Variants in RABGEF1 observed in about 807,000 individuals in gnomAD.
The protein encoded by RABGEF1 is rab5 GDP/GTP exchange factor.
Under a neutral mutation model 57.3 loss-of-function variants are expected in RABGEF1, and 26 were observed. The ratio of observed to expected loss-of-function variants is 0.45; its 90% CI spans 0.33 to 0.63. The LOEUF is 0.63. RABGEF1 is among the 20% of genes least tolerant of loss of function. The pLI is 0.02. For synonymous variants in RABGEF1, 185 were observed against 210.7 expected (o/e 0.88, Z 1.06); for missense variants, 464 against 607.6 (o/e 0.76, Z 2.48).
chr7:66,779,994 A>G (rs3800815), intron 3 of RABGEF1, among the ~76,000 whole-genome samples: 34,925 of 152,186 alleles, frequency 0.23, 4,699 homozygotes, highest in Middle Eastern at 0.31. Context: ...AGTAACTTGT[A>G]TGATCATAAC....
intron 1 of RABGEF1, among the ~76,000 whole-genome samples, chr7:66,752,392 G>A (rs1326423931): frequency 1.3e-5 from 2 of 152,026 alleles, no homozygotes; most frequent in Admixed American, 6.5e-5. Context: ...CTACTGGGAG[G>A]CTGAGGCAGG....
At chr7:66,799,583 C>T (rs546849695) in intron 7 of RABGEF1, among the ~76,000 whole-genome samples, 169 bp downstream of exon 7, 57 of 152,266 alleles carry the variant, frequency 3.7e-4, no homozygotes, top group African/African-American at 1.3e-3. Context: ...TTCAGAAGAG[C>T]AGGTTCTCTT....
intron 1 of RABGEF1, among the ~76,000 whole-genome samples, chr7:66,704,296 G>T (rs1793697654): frequency 6.6e-6 from 1 of 152,068 alleles, no homozygotes; most frequent in Admixed American, 6.6e-5. Flanking sequence ...GTTGTTGCAG[G>T]TTTTTAAAAA....
intron 1 of RABGEF1, among the ~76,000 whole-genome samples, chr7:66,698,487 A>G (rs1243210505): frequency 2.0e-5 from 3 of 152,228 alleles, no homozygotes; most frequent in African/African-American, 7.2e-5. Flanking sequence ...GGTCAGGCGC[A>G]AACAGTTCCT....
At chr7:66,797,348 A>G in intron 5 of RABGEF1, 26 bp from the exon 6 acceptor site, 1 of 1,554,850 alleles carries the variant, frequency 6.4e-7, no homozygotes, top group South Asian at 1.2e-5. Context: ...ATATATCTTG[A>G]TCTTTTCTCT....
intron 1 of RABGEF1, among the ~76,000 whole-genome samples, chr7:66,701,949 A>G: frequency 6.6e-6 from 1 of 152,168 alleles, no homozygotes; most frequent in East Asian, 1.9e-4. Context: ...CCATTTTCAA[A>G]TGTAAAATTC....
intron 1 of RABGEF1, among the ~76,000 whole-genome samples, chr7:66,685,414 G>A (rs1266284241): frequency 6.6e-6 from 1 of 152,058 alleles, no homozygotes; most frequent in Non-Finnish European, 1.5e-5. Context: ...CAGCACTTTC[G>A]GAGGCCAAGG....
chr7:66,771,823 G>T, intron 1 of RABGEF1, 60 bp from the exon 2 acceptor site: 3 of 1,249,220 alleles, frequency 2.4e-6, no homozygotes, highest in Admixed American at 3.1e-5. Context: ...TTCATAATTG[G>T]TAAGATTTTA....
At chr7:66,688,882 C>T (rs772879237) in intron 1 of RABGEF1, among the ~76,000 whole-genome samples, 1 of 152,098 alleles carries the variant, frequency 6.6e-6, no homozygotes, top group African/African-American at 2.4e-5. Flanking sequence ...CACCTGAGGT[C>T]AGGAGTTCAA....
chr7:66,676,528 C>T, the RABGEF1 span, among the ~76,000 whole-genome samples: 3 of 152,144 alleles, frequency 2.0e-5, no homozygotes, highest in African/African-American at 7.2e-5. Flanking sequence ...ATGAGTGGAC[C>T]TACGCAGTTC....
At chr7:66,777,418 A>T (rs1808811647) in intron 3 of RABGEF1, among the ~76,000 whole-genome samples, 1 of 151,878 alleles carries the variant, frequency 6.6e-6, no homozygotes, top group Non-Finnish European at 1.5e-5. Flanking sequence ...TCCAATGTGT[A>T]TACTTCAGAA....
intron 4 of RABGEF1, among the ~76,000 whole-genome samples, chr7:66,788,632 A>G (rs562405404): frequency 8.5e-5 from 13 of 152,278 alleles, no homozygotes; most frequent in African/African-American, 3.1e-4. Flanking sequence ...AGTTAAGCAC[A>G]ACATAACACC....
intron 1 of RABGEF1, among the ~76,000 whole-genome samples, chr7:66,691,974 T>G (rs1791580549): frequency 6.6e-6 from 1 of 152,128 alleles, no homozygotes; most frequent in Non-Finnish European, 1.5e-5. Context: ...AGAGGATCAC[T>G]TGAGGCCAGG....
At chr7:66,772,194 A>G in intron 2 of RABGEF1, 116 bp downstream of exon 2, 1 of 788,394 alleles carries the variant, frequency 1.3e-6, no homozygotes, top group Non-Finnish European at 1.8e-6. Context: ...TCAGTTTAAT[A>G]TTAAGGAAAA....
chr7:66,804,989 ATATTTACTAAGTTAT>A (rs1788128202), intron 7 of RABGEF1, 136 bp from the exon 8 acceptor site: 2 of 873,642 alleles, frequency 2.3e-6, no homozygotes, highest in Non-Finnish European at 3.4e-6. Flanking sequence ...GTATGAGATC[ATATTTACTAAGTTAT>A]TATATACTAA....
At chr7:66,807,298 C>T (rs570771206) in intron 8 of RABGEF1, among the ~76,000 whole-genome samples, 1 of 152,324 alleles carries the variant, frequency 6.6e-6, no homozygotes, top group African/African-American at 2.4e-5. Flanking sequence ...AAAAAGTTTC[C>T]AGCTGACGAA....
At chr7:66,700,059 C>T (rs748372270) in intron 1 of RABGEF1, among the ~76,000 whole-genome samples, 7 of 152,214 alleles carry the variant, frequency 4.6e-5, no homozygotes, top group Non-Finnish European at 8.8e-5. Context: ...CCCCAAGTTC[C>T]TGGCCCAGAG....
intron 1 of RABGEF1, among the ~76,000 whole-genome samples, chr7:66,703,677 C>A (rs1449948771): frequency 1.3e-5 from 2 of 152,082 alleles, no homozygotes; most frequent in Admixed American, 6.6e-5. Flanking sequence ...ATGGCAGTAT[C>A]ATGAGGTCTT....
chr7:66,691,733 T>C (rs1791545282), intron 1 of RABGEF1, among the ~76,000 whole-genome samples: 1 of 152,098 alleles, frequency 6.6e-6, no homozygotes, highest in Non-Finnish European at 1.5e-5. Context: ...TGAAGGCTAA[T>C]GTAAGTGTTC....
Sources: gnomAD v4.1 joint callset for allele counts (sites outside exome capture counted in the v4.1 genomes callset) on GRCh38, gnomAD v4.1.1 for gene constraint, MANE v1.5 for transcripts, NCBI Gene and HGNC (gene_info 2026-07-23, HGNC 2026-07-21) for gene names.